SORBS2: variants seen among roughly 807,000 people sequenced by gnomAD.
The protein encoded by SORBS2 is sorbin and SH3 domain-containing protein 2.
In SORBS2, 46 loss-of-function variants were observed where a neutral mutation model predicts 97.7. The observed-to-expected ratio is 0.47, with a 90% CI of 0.37 to 0.60. The LOEUF (loss-of-function observed/expected upper bound fraction) is 0.60, where lower values mean the gene tolerates loss of function less well. Ranked by LOEUF, SORBS2 falls within the 20% of genes least tolerant of loss-of-function variation. The probability of loss-of-function intolerance (pLI) is 0.00; values close to 1 mark genes in which losing one functional copy is unlikely to be tolerated. For synonymous variants in SORBS2, 476 were observed against 473.4 expected, an observed-to-expected ratio of 1.01 and a Z score of -0.07; for missense variants, 1,316 against 1,282.3, an observed-to-expected ratio of 1.03 and a Z score of -0.40.
At position 185,669,812 on chromosome 4, in the gene SORBS2, C is replaced by CA. The variant is rs572991022; in HGVS notation, c.-45-7571dup. Among the ~76,000 whole-genome samples, 460 of 152,238 alleles carry CA rather than the reference C, an allele frequency of 3.0e-3. 2 individuals are homozygous for CA. Among genetic ancestry groups the CA allele is most frequent in the African/African-American group, 0.011 (444 of 41,538 alleles). On this transcript the variant is annotated intron_variant, in intron 4 of 20. Transcript: ENST00000284776. ...CAAGAAAACTCATCAATAATATTTTCAAAATCTACATTTTTGCTTATTTCA... is the reference window on the plus strand; with the variant it reads ...CAAGAAAACTCATCAATAATATTTTCAAAAATCTACATTTTTGCTTATTTCA...
chr4:185,948,073 G>A (rs1001744870), intron 1 of SORBS2, among the ~76,000 whole-genome samples: 9 of 151,958 alleles, frequency 5.9e-5, no homozygotes, highest in African/African-American at 1.4e-4. Context: ...TTCCATCTAG[G>A]CTACTCTGGC....
At chr4:185,861,157 G>A (rs553844442) in intron 1 of SORBS2, among the ~76,000 whole-genome samples, 1 of 152,226 alleles carries the variant, frequency 6.6e-6, no homozygotes, top group Admixed American at 6.5e-5. Context: ...CTGTTTTAAT[G>A]TTCATGCTGG....
intron 1 of SORBS2, among the ~76,000 whole-genome samples, chr4:185,857,472 C>A (rs1272019114): frequency 1.3e-5 from 2 of 152,262 alleles, no homozygotes; most frequent in South Asian, 4.1e-4. Context: ...AATATGAAAT[C>A]TGATTGTAAA....
chr4:185,948,610 TG>T (rs2099275707), intron 1 of SORBS2, among the ~76,000 whole-genome samples: 3 of 145,744 alleles, frequency 2.1e-5, no homozygotes, highest in African/African-American at 7.6e-5. Flanking sequence ...CTCTGCCTCC[TG>T]GGTTCAAGCA....
At chr4:185,875,450 A>G (rs1002572621) in intron 1 of SORBS2, among the ~76,000 whole-genome samples, 15 of 152,248 alleles carry the variant, frequency 9.9e-5, no homozygotes, top group African/African-American at 3.6e-4. Flanking sequence ...GCAGGGATTT[A>G]GTCCCTGTGG....
intron 2 of SORBS2, among the ~76,000 whole-genome samples, chr4:185,730,443 T>G (rs929285358): frequency 6.6e-6 from 1 of 152,152 alleles, no homozygotes; most frequent in African/African-American, 2.4e-5. Flanking sequence ...TTTTCTTTGG[T>G]GTCACCCATT....
intron 7 of SORBS2, 87 bp downstream of exon 19, chr4:185,622,827 G>A (rs76709578): frequency 1.3e-5 from 18 of 1,352,348 alleles, no homozygotes; most frequent in Non-Finnish European, 1.7e-5. Context: ...TCCCAGCTCG[G>A]GAGTGATGAG....
chr4:185,870,383 A>G (rs948018891), intron 1 of SORBS2, among the ~76,000 whole-genome samples: 3 of 152,202 alleles, frequency 2.0e-5, no homozygotes, highest in African/African-American at 7.2e-5. Context: ...TCTTCTTTTC[A>G]TGACCCAATG....
chr4:185,825,180 T>C (rs1179213958), intron 1 of SORBS2, among the ~76,000 whole-genome samples: 13 of 149,790 alleles, frequency 8.7e-5, no homozygotes. Context: ...ACATGGGGAA[T>C]ATCTTTATTT....
chr4:185,714,198 A>G (rs1214617535), intron 2 of SORBS2, among the ~76,000 whole-genome samples: 1 of 152,216 alleles, frequency 6.6e-6, no homozygotes, highest in African/African-American at 2.4e-5. Flanking sequence ...TTGCATTTTA[A>G]CAGATTTTCT....
chr4:185,794,754 T>A (rs1440684649), intron 1 of SORBS2, among the ~76,000 whole-genome samples: 1 of 151,974 alleles, frequency 6.6e-6, no homozygotes, highest in Non-Finnish European at 1.5e-5. Context: ...GACATGATGC[T>A]TCTGGGCATG....
intron 1 of SORBS2, among the ~76,000 whole-genome samples, chr4:185,873,622 G>A (rs77174498): frequency 0.013 from 1,942 of 152,228 alleles, 27 homozygotes; most frequent in African/African-American, 0.035. Flanking sequence ...ATGTAACAGC[G>A]ATTACAATCT....
intron 1 of SORBS2, among the ~76,000 whole-genome samples, chr4:185,918,881 T>G (rs2099259621): frequency 6.6e-6 from 1 of 152,228 alleles, no homozygotes; most frequent in African/African-American, 2.4e-5. Flanking sequence ...GTTCACCCAG[T>G]ACATCACAAT....
chr4:185,885,819 A>C (rs143132412), intron 1 of SORBS2, among the ~76,000 whole-genome samples: 1 of 152,246 alleles, frequency 6.6e-6, no homozygotes, highest in African/African-American at 2.4e-5. Context: ...TTCCCATGAC[A>C]CTCTGGGCAC....
chr4:185,759,849 T>A (rs1231885865), intron 2 of SORBS2, among the ~76,000 whole-genome samples: 1 of 152,226 alleles, frequency 6.6e-6, no homozygotes, highest in Non-Finnish European at 1.5e-5. Flanking sequence ...TAGTCATTAT[T>A]TCAAAGCTTA....
In SORBS2 at chr4:185,928,576, T is replaced by C. The variant is rs549974717; in HGVS notation, c.-338+27620A>G. On this transcript the variant is annotated intron_variant, in intron 1 of 20. Coordinates refer to the SORBS2 transcript ENST00000284776. ...TCTTCTTTTTTTTGAGACGGAGTTTTGCTCTGTTGCCCAGGCTGGAGTGCA... is the reference window on the plus strand; with the variant it reads ...TCTTCTTTTTTTTGAGACGGAGTTTCGCTCTGTTGCCCAGGCTGGAGTGCA... Among the ~76,000 whole-genome samples, 15 of 152,202 alleles carry C rather than the reference T, an allele frequency of 9.9e-5. No individual in the cohort carries two copies. In the South Asian group the frequency reaches 1.7e-3, roughly 17 times the overall value.
chr4:185,891,464 C>G (rs1030223493), intron 1 of SORBS2, among the ~76,000 whole-genome samples: 2 of 152,196 alleles, frequency 1.3e-5, no homozygotes, highest in African/African-American at 4.8e-5. Context: ...AATTATCAGC[C>G]ATTATCCTAG....
rs113829144 is a variant in SORBS2 at position 185,738,693 on chromosome 4, G to A, written c.-198+36534C>T. ...ATATCTTTATATAGAAAAAGCATCC[G>A]AAACATTCCCCAAGTGGGTCTAAGG... On this transcript the variant is annotated intron_variant, in intron 2 of 20. Coordinates refer to the SORBS2 transcript ENST00000284776. Among the ~76,000 whole-genome samples the A allele has an allele frequency of 6.4e-3, 979 of 152,162 alleles. 11 individuals are homozygous for A. Among genetic ancestry groups the A allele is most frequent in the African/African-American group, 0.02 (822 of 41,496 alleles).
At chr4:185,785,452 G>A (rs1001049214) in intron 1 of SORBS2, among the ~76,000 whole-genome samples, 6 of 152,168 alleles carry the variant, frequency 3.9e-5, no homozygotes, top group Admixed American at 6.5e-5. Flanking sequence ...TAACGATTCC[G>A]TTTTATAACA....
Sources: allele counts gnomAD v4.1 joint callset (sites outside exome capture counted in the v4.1 genomes callset), GRCh38; gene constraint gnomAD v4.1.1; transcripts MANE v1.5; gene names NCBI Gene and HGNC (gene_info 2026-07-23, HGNC 2026-07-21).